Variants in NPEPL1 observed in about 807,000 individuals in gnomAD.
NPEPL1 encodes the protein aminopeptidase like 1.
NPEPL1 carries 45 observed loss-of-function variants against 52.4 expected under a neutral mutation model. That is an observed-to-expected ratio of 0.86 (90% CI 0.68 to 1.10). NPEPL1 has a LOEUF of 1.10. Ranked by LOEUF, NPEPL1 falls within the 50% of genes least tolerant of loss-of-function variation. NPEPL1 has a pLI of 0.00. For missense variants in NPEPL1, 696 were observed against 710.9 expected, an observed-to-expected ratio of 0.98 and a Z score of 0.24; for synonymous variants, 360 against 314.7, an observed-to-expected ratio of 1.14 and a Z score of -1.52.
At position 58,714,577 on chromosome 20, in the gene NPEPL1, C is replaced by A; in HGVS notation, c.1320C>A (p.Pro440=). The A allele has an allele frequency of 6.3e-7, 1 of 1,587,498 alleles. No homozygotes were observed. The highest frequency in any genetic ancestry group is 1.7e-5 in the Admixed American group (1 of 57,532). Residue 440 remains proline, a synonymous_variant, in exon 11 of 12, where the codon CCC becomes CCA. Transcript: ENST00000356091. ...KNSVADRDNS[P]SSCAGLFIAS... The stretch of plus-strand genomic sequence containing the variant: ...CTCCCTAGGACCGAGACAACAGCCC[C>A]AGCTCCTGTGCTGGCCTCTTCATCG...
At chr20:58,694,700 CTG>C in intron 3 of NPEPL1, 108 bp downstream of exon 3, 1 of 1,198,274 alleles carries the variant, frequency 8.3e-7, no homozygotes, top group Non-Finnish European at 1.1e-6. Context: ...GAGGGGGTTC[CTG>C]CCCTTCCCAG....
chr20:58,697,959 G>C (rs952871110), intron 3 of NPEPL1, among the ~76,000 whole-genome samples: 2 of 152,238 alleles, frequency 1.3e-5, no homozygotes, highest in Middle Eastern at 3.2e-3. Flanking sequence ...CAGTTCCTGG[G>C]TGGACACGTC....
At chr20:58,714,260 G>T (rs1406823692) in intron 10 of NPEPL1, 167 bp downstream of exon 10, 1 of 700,984 alleles carries the variant, frequency 1.4e-6, no homozygotes, top group Non-Finnish European at 2.3e-6. Flanking sequence ...AGTCATCCCA[G>T]ACAGCGTGGG....
intron 10 of NPEPL1, 98 bp from the exon 11 acceptor site, chr20:58,714,462 A>G: frequency 1.2e-6 from 1 of 860,368 alleles, no homozygotes; most frequent in East Asian, 2.8e-5. Flanking sequence ...AGCCACCCCG[A>G]GCTCCTTGCA....
intron 7 of NPEPL1, among the ~76,000 whole-genome samples, chr20:58,711,957 CA>C (rs5842239): frequency 0.55 from 84,390 of 152,150 alleles, 26,220 homozygotes; most frequent in Non-Finnish European, 0.68. Flanking sequence ...GCTTCGGGGT[CA>C]GGGGGCACCC....
chr20:58,693,719 C>T lies in NPEPL1; in HGVS notation c.151-18C>T. 6.3e-7 allele frequency: 1 copy of T among 1,587,308 alleles called. No individual in the cohort carries two copies. The highest frequency in any genetic ancestry group is 8.6e-7 in the Non-Finnish European group (1 of 1,160,802). ...GCTGTTTGAAGCCTCTGTGTCTTGT[C>T]TCTCCCTTCTGATCTAGCTCTGGCA... is the stretch of plus-strand genomic sequence containing the variant. On this transcript the variant is annotated intron_variant, in intron 1 of 11. Coordinates refer to ENST00000356091, the MANE Select transcript of NPEPL1 (RefSeq NM_024663.4).
At chr20:58,692,667 GGCCTGCCCGGCCGGGCCTGCCC>G, upstream of NPEPL1, 1 of 305,730 alleles carries the variant, frequency 3.3e-6, no homozygotes, top group Non-Finnish European at 4.7e-6. This position sits in a 1 kb window ranked among gnomAD's most constrained non-coding sequence, Gnocchi z 5.7. Context: ...GCCGGCTTCG[GGCCTGCCCGGCCGGGCCTGCCC>G]GCACCCTTCC....
At chr20:58,705,984 A>T (rs1403571054) in intron 6 of NPEPL1, among the ~76,000 whole-genome samples, 1 of 152,230 alleles carries the variant, frequency 6.6e-6, no homozygotes, top group Non-Finnish European at 1.5e-5. Context: ...TTGCACTAAA[A>T]TTCAAAGCTT....
rs2084403673 is a variant in NPEPL1 at position 58,693,788 on chromosome 20, C to A, written c.202C>A (p.Pro68Thr). The A allele has an allele frequency of 1.2e-6, 2 of 1,613,696 alleles. No homozygotes were observed. The highest frequency in any genetic ancestry group is 1.7e-5 in the Admixed American group (1 of 59,998). ...CAACCCCAACCCCACGGACAGCTGT[C>A]CCCTCTACCTGAACTACGCCACCGT... ...TLNPNPTDSC[P>T]LYLNYATVAA... The change falls in exon 2 of 12, where the codon CCC becomes ACC. Residue 68 changes from proline to threonine, a missense_variant. Physicochemically the swap from Pro to Thr is conservative, Grantham distance 38. Transcript: ENST00000356091.
At chr20:58,702,408 G>A (rs1038704249) in intron 6 of NPEPL1, among the ~76,000 whole-genome samples, 5 of 152,186 alleles carry the variant, frequency 3.3e-5, no homozygotes, top group Admixed American at 6.5e-5. Context: ...GGTGCAGCTC[G>A]CCGCGCTCTC....
chr20:58,692,869 C>G lies in NPEPL1; in HGVS notation c.-32C>G, dbSNP rs1463352017. 4 of 1,008,068 alleles carry G rather than the reference C, an allele frequency of 4.0e-6. No homozygotes were observed. In the South Asian group the frequency reaches 1.3e-4, roughly 32 times the overall value. The allele number at this position is 1,008,068 out of a possible 1,614,324, so 62.4% of individuals were successfully genotyped here. A position where few individuals can be genotyped will look rare whatever the true frequency, so the allele number is the denominator to read the frequency against. Reference sequence around the variant, plus strand: ...GGCCGAGCGGCGGGCCGGGCCGGGCCGGGCAGGGCCGGGGCGTGGGCCGGC... The same window carrying G: ...GGCCGAGCGGCGGGCCGGGCCGGGCGGGGCAGGGCCGGGGCGTGGGCCGGC... On this transcript the variant is annotated 5_prime_UTR_variant, in exon 1 of 12. Transcript: ENST00000356091. The surrounding 1 kb of genome is among the most constrained non-coding windows in gnomAD (Gnocchi z 5.7).
chr20:58,691,224 C>T (rs1406374970), upstream of NPEPL1: 2 of 702,344 alleles, frequency 2.8e-6, no homozygotes, highest in Admixed American at 2.0e-5. Flanking sequence ...TCTTCATACA[C>T]ACTGTTAGTA....
At chr20:58,700,979 C>T in intron 5 of NPEPL1, 37 bp from the exon 6 acceptor site, 1 of 1,480,468 alleles carries the variant, frequency 6.8e-7, no homozygotes, top group Non-Finnish European at 9.0e-7. Flanking sequence ...CTCAGCTCAG[C>T]CCGAGCCTAA....
chr20:58,695,497 G>A (rs147692887), intron 3 of NPEPL1, among the ~76,000 whole-genome samples: 219 of 152,306 alleles, frequency 1.4e-3, no homozygotes, highest in African/African-American at 5.1e-3. Context: ...CCACGGCAGC[G>A]GTCCCAGCCT....
rs369107358 is a variant in NPEPL1, at chr20:58,701,836, G to A, written c.822+678G>A. Among the ~76,000 whole-genome samples the A allele has an allele frequency of 6.8e-4, 104 of 152,256 alleles. 3 individuals carry two copies. In the South Asian group the frequency reaches 0.018, roughly 27 times the overall value. ...GAGTCACCCGGGAACATCCCGGTGC[G>A]GTGGCCCTAGAAGCCTGTCCCGTGG... is the stretch of plus-strand genomic sequence containing the variant. On this transcript the variant is annotated intron_variant, in intron 6 of 11. Transcript: ENST00000356091.
intron 7 of NPEPL1, among the ~76,000 whole-genome samples, chr20:58,708,747 C>T (rs906200362): frequency 1.3e-5 from 2 of 152,140 alleles, no homozygotes; most frequent in Admixed American, 6.5e-5. Context: ...GCCCAGGCCC[C>T]GTGGCTTTGG....
chr20:58,703,915 G>A, intron 6 of NPEPL1: 1 of 985,294 alleles, frequency 1.0e-6, no homozygotes, highest in Non-Finnish European at 1.2e-6. Context: ...GGTCCACCTG[G>A]TCTGCAGACC....
In NPEPL1 at chr20:58,713,364, C is replaced by T. The variant is rs969026177; in HGVS notation, c.1002-56C>T. On this transcript the variant is annotated intron_variant, in intron 8 of 11. Coordinates refer to ENST00000356091, the MANE Select transcript of NPEPL1 (RefSeq NM_024663.4). The surrounding 1 kb of genome is among the most constrained non-coding windows in gnomAD (Gnocchi z 4.6). ...GGGTCTCCCCAGTTTCAAAGGGGCT[C>T]ATGCCAGTGTCCCAGGAAATCCCGT... The T allele has an allele frequency of 3.3e-6, 5 of 1,522,198 alleles. No individual in the cohort carries two copies. The highest frequency in any genetic ancestry group is 2.5e-5 in the South Asian group (2 of 79,578). 94.3% of individuals were successfully genotyped at this position (1,522,198 alleles called of 1,614,324 possible).
chr20:58,712,334 G>A (rs578115578), intron 7 of NPEPL1, 145 bp from the exon 8 acceptor site: 4 of 620,122 alleles, frequency 6.5e-6, no homozygotes, highest in Non-Finnish European at 1.2e-5. Flanking sequence ...ACCCGGGATG[G>A]CAGGGAGGGC....
Sources: gnomAD v4.1 joint callset for allele counts (sites outside exome capture counted in the v4.1 genomes callset) on GRCh38, gnomAD v4.1.1 for gene constraint, Gnocchi (gnomAD v3.1) non-coding constraint, MANE v1.5 for transcripts, NCBI Gene and HGNC (gene_info 2026-07-23, HGNC 2026-07-21) for gene names.